The following CSMD2 variants were observed in gnomAD, a reference collection of about 807,000 sequenced individuals.
The protein encoded by CSMD2 is CUB and sushi domain-containing protein 2.
In CSMD2, 130 loss-of-function variants were observed where a neutral mutation model predicts 398.5. The ratio of observed to expected loss-of-function variants is 0.33; its 90% CI spans 0.28 to 0.38. CSMD2 has a LOEUF of 0.38. CSMD2 is among the 10% of genes least tolerant of loss of function. The pLI, the probability that CSMD2 is intolerant of heterozygous loss-of-function variation, is 1.00. For synonymous variants in CSMD2, 1,828 were observed against 1,908.5 expected (o/e 0.96, Z 1.10); for missense variants, 3,829 against 4,764.9 (o/e 0.80, Z 5.78).
chr1:33,758,691 A>G (rs946720273), intron 13 of CSMD2, among the ~76,000 whole-genome samples: 1 of 152,174 alleles, frequency 6.6e-6, no homozygotes. Context: ...CTTGCTATAC[A>G]TCTCTTGAGG....
At chr1:33,932,842 A>G (rs1644356312) in intron 4 of CSMD2, among the ~76,000 whole-genome samples, 1 of 152,202 alleles carries the variant, frequency 6.6e-6, no homozygotes, top group Non-Finnish European at 1.5e-5. Flanking sequence ...CTGCAAGGAG[A>G]TGACAAAACC....
chr1:33,907,600 C>G (rs920982800), intron 5 of CSMD2, among the ~76,000 whole-genome samples: 2 of 152,150 alleles, frequency 1.3e-5, no homozygotes, highest in African/African-American at 4.8e-5. Flanking sequence ...TCTACCTCGT[C>G]CATGAAGCCA....
chr1:33,751,863 G>GA (rs1648299965), intron 13 of CSMD2, among the ~76,000 whole-genome samples: 1 of 151,902 alleles, frequency 6.6e-6, no homozygotes, highest in Admixed American at 6.6e-5. Context: ...TCGACCTCAT[G>GA]ATCTGCCTGC....
At chr1:34,058,234 G>A (rs552718609) in intron 2 of CSMD2, among the ~76,000 whole-genome samples, 15 of 152,176 alleles carry the variant, frequency 9.9e-5, no homozygotes, top group African/African-American at 2.6e-4. Flanking sequence ...GTGTCACCCC[G>A]GGCAGGTCAC....
At chr1:34,158,911 C>T (rs1199869597) in intron 1 of CSMD2, among the ~76,000 whole-genome samples, 4 of 152,182 alleles carry the variant, frequency 2.6e-5, no homozygotes, top group African/African-American at 7.2e-5. Context: ...AACCAGCACT[C>T]GGTAAAGGAG....
intron 13 of CSMD2, among the ~76,000 whole-genome samples, chr1:33,770,017 T>C (rs1651049807): frequency 6.6e-6 from 1 of 152,212 alleles, no homozygotes; most frequent in Non-Finnish European, 1.5e-5. Flanking sequence ...TTGATAACAT[T>C]ATATTTGATC....
intron 36 of CSMD2, among the ~76,000 whole-genome samples, chr1:33,622,738 G>A (rs2148876946): frequency 6.6e-6 from 1 of 152,324 alleles, no homozygotes; most frequent in Admixed American, 6.5e-5. Flanking sequence ...TCCATTACTA[G>A]AATGGCAAAA....
chr1:33,976,081 G>A (rs116109243), intron 3 of CSMD2, among the ~76,000 whole-genome samples: 1,866 of 152,178 alleles, frequency 0.012, 30 homozygotes, highest in African/African-American at 0.042. Context: ...CCAACCCTTC[G>A]ATGCTGAGCC....
intron 49 of CSMD2, among the ~76,000 whole-genome samples, chr1:33,576,456 T>C (rs1019865331): frequency 2.0e-5 from 3 of 152,032 alleles, no homozygotes. Context: ...CCAGGCATGG[T>C]GGCGGGTGAC....
intron 3 of CSMD2, among the ~76,000 whole-genome samples, chr1:33,961,400 GC>G (rs1645354596): frequency 6.6e-6 from 1 of 152,256 alleles, no homozygotes; most frequent in Admixed American, 6.5e-5. Flanking sequence ...GGCCTTGCAT[GC>G]CCTGTCCTGC....
intron 1 of CSMD2, among the ~76,000 whole-genome samples, chr1:34,112,007 TCTCTCTCTCTCTTTCTC>T (rs1166571382): frequency 6.3e-4 from 96 of 151,640 alleles, no homozygotes; most frequent in Non-Finnish European, 1.2e-3. Context: ...TCTCTCTCTC[TCTCTCTCTCTCTTTCTC>T]TCTCTTTCTC....
chr1:33,765,850 C>T (rs1226489941), intron 13 of CSMD2, among the ~76,000 whole-genome samples: 1 of 152,232 alleles, frequency 6.6e-6, no homozygotes, highest in African/African-American at 2.4e-5. Flanking sequence ...TCAGTAGCCA[C>T]ATGTCAGTAC....
chr1:34,017,324 T>C (rs999033904), intron 3 of CSMD2, among the ~76,000 whole-genome samples: 2 of 152,252 alleles, frequency 1.3e-5, no homozygotes, highest in Non-Finnish European at 2.9e-5. Flanking sequence ...TTATTTGTCT[T>C]CTGTGAGAGA....
chr1:34,116,641 T>C lies in CSMD2; in HGVS notation c.188-27448A>G, dbSNP rs534632557. Among the ~76,000 whole-genome samples the C allele has an allele frequency of 1.2e-4, 19 of 152,146 alleles. No homozygotes were observed. In the East Asian group the frequency reaches 2.1e-3, roughly 17 times the overall value. On this transcript the variant is annotated intron_variant, in intron 1 of 70. Transcript: ENST00000373381. ...AAACCTGAACAAGACTATAGACCAATTGGACCAAATAGACATATCTAGAAT... is the reference window on the plus strand; with the variant it reads ...AAACCTGAACAAGACTATAGACCAACTGGACCAAATAGACATATCTAGAAT...
chr1:33,742,821 G>A (rs901908391), intron 14 of CSMD2, among the ~76,000 whole-genome samples: 1 of 152,154 alleles, frequency 6.6e-6, no homozygotes, highest in Non-Finnish European at 1.5e-5. Flanking sequence ...TGGGAACTGG[G>A]CAAAGCAAAG....
chr1:33,752,366 T>C (rs1648368624), intron 13 of CSMD2, among the ~76,000 whole-genome samples: 1 of 152,114 alleles, frequency 6.6e-6, no homozygotes. Flanking sequence ...CTTAAGAGTG[T>C]GGTGCCCCCA....
At chr1:33,832,449 C>A (rs7365247) in intron 6 of CSMD2, among the ~76,000 whole-genome samples, 102,138 of 132,460 alleles carry the variant, frequency 0.77, 40,360 homozygotes, top group East Asian at 0.93. Context: ...TCTTTGAAAC[C>A]AAGGAGAACA....
chr1:33,628,543 C>T (rs1168670488), intron 32 of CSMD2, among the ~76,000 whole-genome samples: 2 of 151,900 alleles, frequency 1.3e-5, no homozygotes, highest in African/African-American at 4.8e-5. Flanking sequence ...GTGGAGCACA[C>T]CTGGAGTCTC....
Position 33,802,479 on chromosome 1 carries a change from T to G in CSMD2, c.1446+8264A>C, listed in dbSNP as rs578251714. 2.0e-5 allele frequency among the ~76,000 whole-genome samples: 3 copies of G among 152,296 alleles called. No homozygotes were observed. The East Asian group carries it at 5.8e-4, about 29-fold the overall frequency. On this transcript the variant is annotated intron_variant, in intron 10 of 70. Transcript: ENST00000373381. ...ATTCCCACACCACAGCATCCCTGCT[T>G]CTCTCTTTGGGCCTTCTCATTGCCC...
Sources: allele counts gnomAD v4.1 joint callset (sites outside exome capture counted in the v4.1 genomes callset), GRCh38; gene constraint gnomAD v4.1.1; transcripts MANE v1.5; gene names NCBI Gene and HGNC (gene_info 2026-07-23, HGNC 2026-07-21).